DNAJC6: variants seen among roughly 807,000 people sequenced by gnomAD.
DNAJC6 encodes the protein DnaJ heat shock protein family (Hsp40) member C6, also known as auxilin.
Under a neutral mutation model 110.0 loss-of-function variants are expected in DNAJC6, and 34 were observed. The observed-to-expected ratio is 0.31, with a 90% CI of 0.24 to 0.41. The LOEUF (loss-of-function observed/expected upper bound fraction) is 0.41. DNAJC6 is among the 10% of genes least tolerant of loss of function. The pLI, the probability that DNAJC6 is intolerant of heterozygous loss-of-function variation, is 1.00. For synonymous variants in DNAJC6, 406 were observed against 437.2 expected (o/e 0.93, Z 0.89); for missense variants, 1,031 against 1,207.8 (o/e 0.85, Z 2.17).
At chr1:65,399,731 A>G (rs1038247655) in intron 14 of DNAJC6, among the ~76,000 whole-genome samples, 2 of 151,916 alleles carry the variant, frequency 1.3e-5, no homozygotes, top group African/African-American at 2.4e-5. Flanking sequence ...CCTGGCCACC[A>G]CCCTTCTACA....
chr1:65,328,487 A>T (rs1318056479), intron 1 of DNAJC6, among the ~76,000 whole-genome samples: 2 of 152,160 alleles, frequency 1.3e-5, no homozygotes, highest in African/African-American at 4.8e-5. Context: ...GATTCGTTCC[A>T]CCTCAGATTC....
At chr1:65,270,866 T>A (rs1764314) in intron 1 of DNAJC6, among the ~76,000 whole-genome samples, 113,903 of 151,862 alleles carry the variant, frequency 0.75, 43,387 homozygotes, top group East Asian at 0.98. Context: ...TTTAGTAGAG[T>A]CAGGGTTTCA....
intron 1 of DNAJC6, among the ~76,000 whole-genome samples, chr1:65,292,046 C>T (rs550190827): frequency 4.9e-4 from 75 of 152,034 alleles, no homozygotes; most frequent in African/African-American, 1.7e-3. Flanking sequence ...GATGGAGTTT[C>T]GCTCTTGTTG....
chr1:65,383,338 C>T (rs868635606), intron 5 of DNAJC6, among the ~76,000 whole-genome samples: 9 of 151,904 alleles, frequency 5.9e-5, no homozygotes, highest in Middle Eastern at 6.8e-3. Flanking sequence ...TTTTTCTTTT[C>T]GAAGAGTTGG....
intron 1 of DNAJC6, among the ~76,000 whole-genome samples, chr1:65,328,611 A>G (rs1230473900): frequency 3.9e-5 from 6 of 152,326 alleles, no homozygotes; most frequent in Admixed American, 3.9e-4. Context: ...AACAGTTCCA[A>G]CACCATAAGG....
intron 4 of DNAJC6, among the ~76,000 whole-genome samples, chr1:65,366,832 C>T (rs995120742): frequency 2.0e-5 from 3 of 152,130 alleles, no homozygotes; most frequent in African/African-American, 7.2e-5. Context: ...ATGATTGGTT[C>T]TGCAACTTCA....
intron 1 of DNAJC6, among the ~76,000 whole-genome samples, chr1:65,314,731 G>A (rs1488818273): frequency 9.2e-5 from 14 of 152,140 alleles, no homozygotes; most frequent in Non-Finnish European, 1.5e-4. Context: ...CAGGTGATCC[G>A]CCTGCCTCAG....
At position 65,270,865 on chromosome 1, in the gene DNAJC6, G is replaced by A. The variant is rs188264906; in HGVS notation, c.-131+5933G>A. 2.0e-5 allele frequency among the ~76,000 whole-genome samples: 3 copies of A among 152,158 alleles called. No homozygotes were observed. In the East Asian group the frequency reaches 5.8e-4, roughly 29 times the overall value. On this transcript the variant is annotated intron_variant, in intron 1 of 19. Coordinates refer to the DNAJC6 transcript ENST00000263441. ...AGCTAATTTTTGTATTTTTAGTAGA[G>A]TCAGGGTTTCACCATGTTGGCCAGG...
rs373016894 is a variant in DNAJC6 at position 65,265,315 on chromosome 1, G to C, written c.-131+383G>C. Among the ~76,000 whole-genome samples the C allele has an allele frequency of 2.8e-3, 433 of 152,266 alleles. 4 individuals carry two copies. Among genetic ancestry groups the C allele is most frequent in the African/African-American group, 9.9e-3 (411 of 41,540 alleles). ...AGGTTTTCAATGCATTATGAGAATTGGAATATCTGAAATAATTGGGACTTA... is the reference window on the plus strand; with the variant it reads ...AGGTTTTCAATGCATTATGAGAATTCGAATATCTGAAATAATTGGGACTTA... On this transcript the variant is annotated intron_variant, in intron 1 of 19. Transcript: ENST00000263441.
intron 1 of DNAJC6, among the ~76,000 whole-genome samples, chr1:65,352,581 T>C (rs917492434): frequency 1.3e-5 from 2 of 152,248 alleles, no homozygotes; most frequent in Admixed American, 6.5e-5. Flanking sequence ...GCCTAACATA[T>C]AGTAAGGCCA....
intron 1 of DNAJC6, among the ~76,000 whole-genome samples, chr1:65,299,648 C>G (rs1355314311): frequency 1.3e-5 from 2 of 152,078 alleles, no homozygotes; most frequent in African/African-American, 2.4e-5. Flanking sequence ...TAATAACTAC[C>G]CTGTTTTTAT....
chr1:65,332,603 C>T (rs528461949), intron 1 of DNAJC6, among the ~76,000 whole-genome samples: 126 of 152,298 alleles, frequency 8.3e-4, no homozygotes, highest in African/African-American at 2.5e-3. Flanking sequence ...AGTGCTGTCA[C>T]GCTTGTCAAA....
intron 1 of DNAJC6, among the ~76,000 whole-genome samples, chr1:65,356,058 C>T (rs2101533375): frequency 1.3e-5 from 2 of 152,170 alleles, no homozygotes; most frequent in South Asian, 4.2e-4. Flanking sequence ...GGATCCAGAT[C>T]AGTTCTGGCT....
intron 1 of DNAJC6, among the ~76,000 whole-genome samples, chr1:65,328,130 T>A (rs1449366888): frequency 6.6e-6 from 1 of 152,230 alleles, no homozygotes; most frequent in Non-Finnish European, 1.5e-5. Flanking sequence ...CATATATTTG[T>A]ATTTACATAG....
At chr1:65,276,961 C>A (rs1653693135) in intron 1 of DNAJC6, among the ~76,000 whole-genome samples, 1 of 152,290 alleles carries the variant, frequency 6.6e-6, no homozygotes, top group South Asian at 2.1e-4. Flanking sequence ...AAGTCAGGCT[C>A]ACCTCAGTGA....
intron 4 of DNAJC6, among the ~76,000 whole-genome samples, chr1:65,379,027 A>G (rs1020906589): frequency 5.3e-5 from 8 of 152,232 alleles, no homozygotes; most frequent in African/African-American, 1.9e-4. Context: ...TAAATTAGAG[A>G]TGGTGCAGGA....
chr1:65,298,716 T>C lies in DNAJC6; in HGVS notation c.-131+33784T>C, dbSNP rs1330506502. ...ACAGGTACAGTGACAAACTTCTATG[T>C]AATTCAACCCAAAGAAATACTTTAT... On this transcript the variant is annotated intron_variant, in intron 1 of 19. Transcript: ENST00000263441. 5 of 152,234 alleles carry C rather than the reference T, an allele frequency of 3.3e-5. No homozygotes were observed. The East Asian group carries it at 9.6e-4, about 29-fold the overall frequency. 9.4% of individuals were successfully genotyped at this position (152,234 alleles called of 1,614,324 possible).
intron 4 of DNAJC6, among the ~76,000 whole-genome samples, chr1:65,370,289 G>A (rs185110406): frequency 3.9e-5 from 6 of 152,258 alleles, no homozygotes; most frequent in East Asian, 3.9e-4. Flanking sequence ...GTAACCATTT[G>A]TAGCATAAAA....
intron 1 of DNAJC6, among the ~76,000 whole-genome samples, chr1:65,267,801 T>G (rs761026623): frequency 6.6e-5 from 10 of 152,114 alleles, no homozygotes; most frequent in Non-Finnish European, 1.2e-4. Flanking sequence ...CCAAGCCTAG[T>G]TCTTTGAGAG....
Sources: allele counts gnomAD v4.1 joint callset (sites outside exome capture counted in the v4.1 genomes callset), GRCh38; gene constraint gnomAD v4.1.1; transcripts MANE v1.5; gene names NCBI Gene and HGNC (gene_info 2026-07-23, HGNC 2026-07-21).